Variants in TRHDE observed in about 807,000 individuals in gnomAD.
The protein encoded by TRHDE is thyrotropin releasing hormone degrading enzyme.
TRHDE carries 72 observed loss-of-function variants against 125.7 expected under a neutral mutation model. The observed-to-expected ratio is 0.57, with a 90% CI of 0.47 to 0.70. TRHDE has a LOEUF of 0.70. Ranked by LOEUF, TRHDE falls within the 30% of genes least tolerant of loss-of-function variation. The probability of loss-of-function intolerance (pLI) is 0.00; values close to 1 mark genes in which losing one functional copy is unlikely to be tolerated. For missense variants in TRHDE, 1,110 were observed against 1,327.1 expected, an observed-to-expected ratio of 0.84 and a Z score of 2.54; for synonymous variants, 509 against 509.1, an observed-to-expected ratio of 1.00 and a Z score of 0.00.
At chr12:72,401,625 A>T (rs1205611441) in intron 3 of TRHDE, among the ~76,000 whole-genome samples, 1 of 152,192 alleles carries the variant, frequency 6.6e-6, no homozygotes, top group Non-Finnish European at 1.5e-5. Context: ...AAATGTTTGA[A>T]CCTTATATTC....
intron 10 of TRHDE, among the ~76,000 whole-genome samples, chr12:72,573,593 A>T (rs2136025603): frequency 6.6e-6 from 1 of 152,130 alleles, no homozygotes; most frequent in East Asian, 1.9e-4. Flanking sequence ...AATAGCATAA[A>T]TTTAAACACT....
At position 72,117,855 on chromosome 12, in the gene TRHDE, G is replaced by T. The variant is rs562543289; in HGVS notation, n.279+12103G>T. Among the ~76,000 whole-genome samples the T allele has an allele frequency of 8.9e-3, 1,205 of 136,138 alleles. 14 individuals are homozygous for T. The highest frequency in any genetic ancestry group is 0.028 in the African/African-American group (1,053 of 37,424). 89.3% of individuals were successfully genotyped at this position (136,138 alleles called of 152,430 possible). On this transcript the variant is annotated intron_variant and non_coding_transcript_variant, in intron 2 of 4. Transcript: ENST00000548156. Reference sequence around the variant, plus strand: ...CTATTGTAAATGAAACTATTTCTTGGTTTTTTTTTTTCAGATTGTTCACTG... The same window carrying T: ...CTATTGTAAATGAAACTATTTCTTGTTTTTTTTTTTTCAGATTGTTCACTG...
chr12:72,234,600 C>T (rs891162351), intron 2 of TRHDE, among the ~76,000 whole-genome samples: 1 of 151,712 alleles, frequency 6.6e-6, no homozygotes, highest in African/African-American at 2.4e-5. Context: ...GACATAATAA[C>T]GAGAATCATT....
intron 12 of TRHDE, among the ~76,000 whole-genome samples, chr12:72,617,293 C>T (rs960192500): frequency 1.3e-5 from 2 of 152,058 alleles, no homozygotes; most frequent in African/African-American, 4.8e-5. Flanking sequence ...TAGAGTGTCA[C>T]ACATTCTTTT....
chr12:72,127,658 C>T (rs1199051806), intron 2 of TRHDE, among the ~76,000 whole-genome samples: 6 of 151,960 alleles, frequency 3.9e-5, no homozygotes, highest in African/African-American at 9.7e-5. Flanking sequence ...AAGATGGCAA[C>T]AATAGACACT....
chr12:72,091,747 T>C (rs1376969979), intron 1 of TRHDE, among the ~76,000 whole-genome samples: 1 of 152,168 alleles, frequency 6.6e-6, no homozygotes, highest in Non-Finnish European at 1.5e-5. Flanking sequence ...CCAGAAGGAA[T>C]GCTGAGGGCA....
At chr12:72,305,483 A>C (rs1868326860) in intron 2 of TRHDE, among the ~76,000 whole-genome samples, 1 of 152,176 alleles carries the variant, frequency 6.6e-6, no homozygotes, top group South Asian at 2.1e-4. Context: ...TTCATTACCT[A>C]ATGGTAACTA....
intron 2 of TRHDE, among the ~76,000 whole-genome samples, chr12:72,124,912 A>G (rs1420864625): frequency 6.6e-6 from 1 of 152,158 alleles, no homozygotes; most frequent in Non-Finnish European, 1.5e-5. Flanking sequence ...TTTACTTAGC[A>G]TGGATTTAGA....
rs539747204 is a variant in TRHDE, at chr12:72,670,205, G to A, written c.*7010G>A. On this transcript the variant is annotated 3_prime_UTR_variant, in exon 19 of 19. Coordinates refer to ENST00000261180, the MANE Select transcript of TRHDE (RefSeq NM_013381.3). ...ATGATTTAGGAATTAAAAAGTAGCT[G>A]TTCTTTCAGTAAATAAGTGTTAATA... is the stretch of plus-strand genomic sequence containing the variant. 2.0e-5 allele frequency: 3 copies of A among 151,872 alleles called. No individual in the cohort carries two copies. The highest frequency in any genetic ancestry group is 4.1e-4 in the South Asian group (2 of 4,830). The allele number at this position is 151,872 out of a possible 1,614,324, so 9.4% of individuals were successfully genotyped here.
At chr12:72,172,695 C>T (rs1259434511) in intron 2 of TRHDE, among the ~76,000 whole-genome samples, 1 of 152,104 alleles carries the variant, frequency 6.6e-6, no homozygotes, top group South Asian at 2.1e-4. Context: ...AATACCATGG[C>T]CACTCATAAC....
At chr12:72,491,992 A>G (rs1011080847) in intron 5 of TRHDE, among the ~76,000 whole-genome samples, 12 of 151,976 alleles carry the variant, frequency 7.9e-5, no homozygotes, top group African/African-American at 2.9e-4. Context: ...TTTCAGTAGA[A>G]TGCTTGTTTC....
At chr12:72,445,491 T>G (rs1875232956) in intron 3 of TRHDE, among the ~76,000 whole-genome samples, 1 of 151,980 alleles carries the variant, frequency 6.6e-6, no homozygotes, top group African/African-American at 2.4e-5. Flanking sequence ...CTGGATATTC[T>G]TTCATCCATA....
chr12:72,276,969 C>T (rs1033818859), intron 1 of TRHDE, among the ~76,000 whole-genome samples: 4 of 152,044 alleles, frequency 2.6e-5, no homozygotes, highest in South Asian at 2.1e-4. Context: ...AGATGGTGAG[C>T]GCACCCGTGT....
chr12:72,364,295 T>C (rs1459021720), intron 2 of TRHDE, among the ~76,000 whole-genome samples: 1 of 152,054 alleles, frequency 6.6e-6, no homozygotes, highest in Non-Finnish European at 1.5e-5. Flanking sequence ...TGGAATTCAT[T>C]CCTGTCAGAA....
At chr12:72,379,022 A>G (rs918958609) in intron 3 of TRHDE, among the ~76,000 whole-genome samples, 6 of 152,106 alleles carry the variant, frequency 3.9e-5, no homozygotes, top group African/African-American at 1.4e-4. Flanking sequence ...CTCTTCCCTT[A>G]TCTTTCCCAA....
At chr12:72,507,558 T>C (rs1269864867) in intron 6 of TRHDE, among the ~76,000 whole-genome samples, 1 of 152,172 alleles carries the variant, frequency 6.6e-6, no homozygotes, top group African/African-American at 2.4e-5. Flanking sequence ...TTTCTAATAG[T>C]GTGTTCTCAT....
In TRHDE at chr12:72,453,229, T is replaced by C. The variant is rs116792661; in HGVS notation, c.1316-16529T>C. Among the ~76,000 whole-genome samples, 984 of 152,276 alleles carry C rather than the reference T, an allele frequency of 6.5e-3. 5 individuals carry two copies. The highest frequency in any genetic ancestry group is 0.022 in the African/African-American group (923 of 41,556). On this transcript the variant is annotated intron_variant, in intron 3 of 18. Coordinates refer to ENST00000261180, the MANE Select transcript of TRHDE (RefSeq NM_013381.3). The stretch of plus-strand genomic sequence containing the variant: ...AGGCTGAGAAGGTCTCAGATGGAAA[T>C]GACAGATTTATTGGGAGCTGGAACA...
rs1028317442 is a variant in TRHDE at position 72,667,022 on chromosome 12, C to T, written c.*3827C>T. On this transcript the variant is annotated 3_prime_UTR_variant, in exon 19 of 19. Coordinates refer to ENST00000261180, the MANE Select transcript of TRHDE (RefSeq NM_013381.3). Reference sequence around the variant, plus strand: ...GAATGCAGATAAATTGTGTGCATCTCAATCAGTAAAAATAATATTCAGTAA... The same window carrying T: ...GAATGCAGATAAATTGTGTGCATCTTAATCAGTAAAAATAATATTCAGTAA... The T allele has an allele frequency of 4.6e-5, 7 of 151,900 alleles. No individual in the cohort carries two copies. The highest frequency in any genetic ancestry group is 1.2e-4 in the African/African-American group (5 of 41,418). 9.4% of individuals were successfully genotyped at this position (151,900 alleles called of 1,614,324 possible).
intron 2 of TRHDE, among the ~76,000 whole-genome samples, chr12:72,376,810 C>T (rs1199776962): frequency 6.6e-6 from 1 of 151,528 alleles, no homozygotes; most frequent in East Asian, 1.9e-4. Flanking sequence ...TGTAAATATT[C>T]AATGAGTACA....
Sources: gnomAD v4.1 joint callset for allele counts (sites outside exome capture counted in the v4.1 genomes callset) on GRCh38, gnomAD v4.1.1 for gene constraint, MANE v1.5 for transcripts, NCBI Gene and HGNC (gene_info 2026-07-23, HGNC 2026-07-21) for gene names.